Variants in ATG13 observed in about 807,000 individuals in gnomAD.
ATG13 encodes the protein autophagy-related protein 13.
ATG13 carries 23 observed loss-of-function variants against 65.5 expected under a neutral mutation model. The observed-to-expected ratio is 0.35, with a 90% CI of 0.25 to 0.50. ATG13 has a LOEUF of 0.50. Ranked by LOEUF, ATG13 falls within the 20% of genes least tolerant of loss-of-function variation. The pLI, the probability that ATG13 is intolerant of heterozygous loss-of-function variation, is 0.98. For missense variants in ATG13, 566 were observed against 677.0 expected (o/e 0.84, Z 1.82); for synonymous variants, 252 against 245.2 (o/e 1.03, Z -0.26).
At chr11:46,636,613 A>G (rs925708957) in intron 2 of ATG13, among the ~76,000 whole-genome samples, 9 of 151,096 alleles carry the variant, frequency 6.0e-5, no homozygotes, top group Non-Finnish European at 1.2e-4. Flanking sequence ...GTATGATTTA[A>G]TCTTTTTTCC....
At chr11:46,658,807 A>G (rs1337320749) in intron 10 of ATG13, among the ~76,000 whole-genome samples, 1 of 152,158 alleles carries the variant, frequency 6.6e-6, no homozygotes, top group Non-Finnish European at 1.5e-5. Flanking sequence ...AAATGCTGGA[A>G]TTACAGGTGT....
chr11:46,618,115 C>T (rs1056249383), intron 1 of ATG13: 4 of 384,714 alleles, frequency 1.0e-5, no homozygotes, highest in Admixed American at 4.5e-5. Flanking sequence ...TTCCTCTCCA[C>T]TTTTTCAGCT....
rs35243801 is a variant in ATG13, at chr11:46,630,568, C to CTTT, written c.-14+483_-14+485dup. Among the ~76,000 whole-genome samples the CTTT allele has an allele frequency of 6.7e-3, 811 of 120,704 alleles. 60 individuals are homozygous for CTTT. Among genetic ancestry groups the CTTT allele is most frequent in the African/African-American group, 0.016 (492 of 29,986 alleles). 79.2% of individuals were successfully genotyped at this position (120,704 alleles called of 152,430 possible). On this transcript the variant is annotated intron_variant, in intron 2 of 18. Transcript: ENST00000683050. ...CTTGGCCTTGGCAAGAAATTAGAGG[C>CTTT]TTTTTTTTTTTTTTTTTGAGACAGG...
chr11:46,653,404 C>T (rs994495714), intron 7 of ATG13, among the ~76,000 whole-genome samples: 2 of 151,838 alleles, frequency 1.3e-5, no homozygotes, highest in African/African-American at 4.8e-5. Context: ...GAACTCCTGA[C>T]CTCAATTGAT....
At chr11:46,665,344 A>G (rs770956599) in intron 13 of ATG13, 39 bp from the exon 14 acceptor site, 1 of 1,599,924 alleles carries the variant, frequency 6.3e-7, no homozygotes, top group South Asian at 1.1e-5. Flanking sequence ...CCTGCCTGGC[A>G]TGCCATGATT....
chr11:46,623,286 C>G (rs573122825), intron 1 of ATG13, among the ~76,000 whole-genome samples: 3 of 151,742 alleles, frequency 2.0e-5, no homozygotes, highest in Non-Finnish European at 4.4e-5. Flanking sequence ...AGAGCAAGAC[C>G]CCGTCTCAAA....
intron 1 of ATG13, among the ~76,000 whole-genome samples, chr11:46,620,793 C>T (rs913294975): frequency 2.0e-5 from 3 of 151,916 alleles, no homozygotes; most frequent in Non-Finnish European, 4.4e-5. Flanking sequence ...AGAAAAACAA[C>T]TCAATTAACG....
At chr11:46,639,523 A>G (rs1038421818) in intron 2 of ATG13, among the ~76,000 whole-genome samples, 26 of 152,056 alleles carry the variant, frequency 1.7e-4, no homozygotes, top group Admixed American at 2.6e-4. Flanking sequence ...CTGTAACTGT[A>G]ACAGGTCCAT....
chr11:46,657,052 G>T (rs2060191201), intron 8 of ATG13, 43 bp from the exon 9 acceptor site: 2 of 1,502,560 alleles, frequency 1.3e-6, no homozygotes, highest in Admixed American at 1.7e-5. Flanking sequence ...GGCAGTGTCA[G>T]TATTCTCTGC....
At position 46,668,850 on chromosome 11, in the gene ATG13, A is replaced by G; in HGVS notation, c.1386A>G (p.Ser462=). Residue 462 remains serine, a synonymous_variant, in exon 17 of 19, where the codon TCA becomes TCG. Coordinates refer to ENST00000683050, the MANE Select transcript of ATG13 (RefSeq NM_001346311.2). The part of the protein sequence containing the change: ...TESPLQGSLH[S]DGSSGGSSGN... Reference sequence around the variant, plus strand: ...CTCCTCTCCAGGGCAGCCTGCACTCAGATGGCTCCAGCGGGGGCAGCAGTG... The same window carrying G: ...CTCCTCTCCAGGGCAGCCTGCACTCGGATGGCTCCAGCGGGGGCAGCAGTG... 6.2e-7 allele frequency: 1 copy of G among 1,614,090 alleles called. No homozygotes were observed. The highest frequency in any genetic ancestry group is 8.5e-7 in the Non-Finnish European group (1 of 1,180,020).
At chr11:46,658,370 G>T (rs966954664) in intron 10 of ATG13, among the ~76,000 whole-genome samples, 3 of 152,132 alleles carry the variant, frequency 2.0e-5, no homozygotes, top group African/African-American at 7.2e-5. Context: ...TGAAAACCCA[G>T]ATGTGGCTCC....
At chr11:46,619,422 T>C (rs556084820) in intron 1 of ATG13, among the ~76,000 whole-genome samples, 4 of 139,744 alleles carry the variant, frequency 2.9e-5, no homozygotes, top group African/African-American at 1.1e-4. Context: ...TTCACTCTGG[T>C]TGCCCAGGCT....
chr11:46,655,218 C>T (rs1565555359), intron 7 of ATG13, among the ~76,000 whole-genome samples: 1 of 151,880 alleles, frequency 6.6e-6, no homozygotes, highest in Non-Finnish European at 1.5e-5. Flanking sequence ...GCTAACACGG[C>T]GAAAACCCGT....
At position 46,650,307 on chromosome 11, in the gene ATG13, ATAT is replaced by A; in HGVS notation, c.452_454del (p.Leu151del). The stretch of plus-strand genomic sequence containing the variant: ...CAGGAAACAAGGGCATGAATATGTC[ATAT>A]TATACAGGTAAACAGCATAGATGGT... On this transcript the variant is annotated inframe_deletion, in exon 7 of 19. Transcript: ENST00000683050. The A allele has an allele frequency of 6.2e-7, 1 of 1,613,790 alleles. No homozygotes were observed. Among genetic ancestry groups the A allele is most frequent in the Non-Finnish European group, 8.5e-7 (1 of 1,179,824 alleles).
intron 2 of ATG13, among the ~76,000 whole-genome samples, chr11:46,636,992 G>T (rs2054208235): frequency 6.6e-6 from 1 of 152,154 alleles, no homozygotes; most frequent in Non-Finnish European, 1.5e-5. Context: ...CTCCCAAAGT[G>T]CTGGGATTAC....
rs1295572507 is a variant in ATG13, at chr11:46,647,452, AT to A, written c.270+1469del. On this transcript the variant is annotated intron_variant, in intron 5 of 18. Coordinates refer to ENST00000683050, the MANE Select transcript of ATG13 (RefSeq NM_001346311.2). ...GCCACCATGCCTGGCTATTTTTTGT[AT>A]TTTTTGTAGAGACGAGGTTTCACCA... Among the ~76,000 whole-genome samples, 11 of 150,530 alleles carry A rather than the reference AT, an allele frequency of 7.3e-5. 1 individual carries two copies. The highest frequency in any genetic ancestry group is 7.3e-4 in the Admixed American group (11 of 15,138).
At chr11:46,635,478 T>G (rs151119718) in intron 2 of ATG13, among the ~76,000 whole-genome samples, 67 of 152,300 alleles carry the variant, frequency 4.4e-4, no homozygotes, top group African/African-American at 1.5e-3. Flanking sequence ...CCCCATCTCT[T>G]TTTTAAAAAA....
chr11:46,670,080 CAGG>C (rs1035120616), intron 18 of ATG13, among the ~76,000 whole-genome samples: 2 of 152,162 alleles, frequency 1.3e-5, no homozygotes, highest in African/African-American at 2.4e-5. Context: ...TGCCCCATGC[CAGG>C]AGATGTCCCT....
intron 8 of ATG13, 157 bp from the exon 9 acceptor site, chr11:46,656,928 TACACACACAC>T (rs144572744): frequency 1.7e-6 from 1 of 577,912 alleles, no homozygotes; most frequent in Non-Finnish European, 3.1e-6. Context: ...TACACGCACA[TACACACACAC>T]ACACACACAC....
Sources: allele counts gnomAD v4.1 joint callset (sites outside exome capture counted in the v4.1 genomes callset), GRCh38; gene constraint gnomAD v4.1.1; transcripts MANE v1.5; gene names NCBI Gene and HGNC (gene_info 2026-07-23, HGNC 2026-07-21).